The following GFRA1 variants were observed in gnomAD, a reference collection of about 807,000 sequenced individuals.
GFRA1 encodes GDNF family receptor alpha-1.
In GFRA1, 16 loss-of-function variants were observed where a neutral mutation model predicts 51.6. That is an observed-to-expected ratio of 0.31 (90% CI 0.21 to 0.47). The LOEUF is 0.47. GFRA1 is among the 20% of genes least tolerant of loss of function. The pLI is 1.00. For synonymous variants in GFRA1, 270 were observed against 241.3 expected (o/e 1.12, Z -1.10); for missense variants, 530 against 594.3 (o/e 0.89, Z 1.13).
chr10:116,093,605 G>A, intron 8 of GFRA1, 97 bp downstream of exon 8: 2 of 1,052,280 alleles, frequency 1.9e-6, no homozygotes, highest in Non-Finnish European at 3.0e-6. Flanking sequence ...ACAGGCACAA[G>A]GTACAAGAGG....
intron 9 of GFRA1, among the ~76,000 whole-genome samples, chr10:116,074,467 G>A (rs547544426): frequency 6.6e-6 from 1 of 152,314 alleles, no homozygotes; most frequent in African/African-American, 2.4e-5. Context: ...GGAATACAGA[G>A]CCCAAGGGTG....
chr10:116,271,756 T>TC (rs1156656229), intron 2 of GFRA1, among the ~76,000 whole-genome samples: 6 of 151,840 alleles, frequency 4.0e-5, no homozygotes, highest in Non-Finnish European at 8.8e-5. Flanking sequence ...CCAAGTTGGG[T>TC]CATTAAAAAC....
At chr10:116,257,202 G>A (rs1565684785) in intron 4 of GFRA1, among the ~76,000 whole-genome samples, 2 of 152,140 alleles carry the variant, frequency 1.3e-5, no homozygotes, top group Non-Finnish European at 2.9e-5. Context: ...CCTCCTAGCA[G>A]CCGAGGCCCT....
chr10:116,260,409 C>T (rs572165785), intron 4 of GFRA1, among the ~76,000 whole-genome samples: 18 of 152,232 alleles, frequency 1.2e-4, no homozygotes, highest in Admixed American at 5.9e-4. Flanking sequence ...TGTCTGTATA[C>T]GTGTTTATAA....
chr10:116,079,512 C>T (rs1455329890), intron 9 of GFRA1, among the ~76,000 whole-genome samples: 1 of 152,012 alleles, frequency 6.6e-6, no homozygotes, highest in African/African-American at 2.4e-5. Flanking sequence ...GTCTCTGAGG[C>T]ACCCTTCGCT....
chr10:116,138,684 C>A (rs564936913), intron 5 of GFRA1, among the ~76,000 whole-genome samples: 1 of 149,700 alleles, frequency 6.7e-6, no homozygotes, highest in East Asian at 2.0e-4. Context: ...CCCCACCAAC[C>A]CACCATGGTC....
chr10:116,214,732 C>T (rs922553463), intron 4 of GFRA1, among the ~76,000 whole-genome samples: 2 of 152,248 alleles, frequency 1.3e-5, no homozygotes, highest in African/African-American at 4.8e-5. Context: ...CCAGAATCCT[C>T]AACCTCCTCT....
chr10:116,148,173 G>A (rs368723382), intron 5 of GFRA1, among the ~76,000 whole-genome samples: 14 of 151,094 alleles, frequency 9.3e-5, no homozygotes, highest in South Asian at 2.1e-4. Flanking sequence ...TTTGTCTTCC[G>A]GTTTCACCTT....
chr10:116,255,462 T>C (rs940739148), intron 4 of GFRA1, among the ~76,000 whole-genome samples: 1 of 151,584 alleles, frequency 6.6e-6, no homozygotes, highest in African/African-American at 2.4e-5. Flanking sequence ...TTGCAAACAT[T>C]GCATTTTTTT....
intron 6 of GFRA1, among the ~76,000 whole-genome samples, chr10:116,119,005 G>A (rs1957540874): frequency 6.6e-6 from 1 of 152,162 alleles, no homozygotes; most frequent in African/African-American, 2.4e-5. Context: ...AGAGAAGGCA[G>A]GTCATAGCTG....
chr10:116,218,418 T>G (rs1356085812), intron 4 of GFRA1, among the ~76,000 whole-genome samples: 1 of 152,214 alleles, frequency 6.6e-6, no homozygotes, highest in Non-Finnish European at 1.5e-5. Flanking sequence ...ATGGAGAATC[T>G]GCCTGAGAAA....
At position 116,271,083 on chromosome 10, in the gene GFRA1, C is replaced by G. The variant is rs778798595; in HGVS notation, c.73G>C (p.Asp25His). The change falls in exon 3 of 11, where the codon GAC becomes CAC. Residue 25 changes from aspartate (D) to histidine (H), a missense_variant. Transcript: ENST00000355422. ...CTGGCTTTCACGCAATCCAGGCGGT[C>G]TCCGCCGCTCACTTCGGCCGACAGG... Reference protein sequence around the residue: ...LLLSAEVSGGDRLDCVKASDQ... With the variant: ...LLLSAEVSGGHRLDCVKASDQ... The G allele has an allele frequency of 1.4e-5, 23 of 1,608,782 alleles. No individual in the cohort carries two copies. The Admixed American group carries it at 1.7e-4, about 12-fold the overall frequency.
intron 4 of GFRA1, among the ~76,000 whole-genome samples, chr10:116,235,458 C>A (rs1008602085): frequency 3.3e-5 from 5 of 152,088 alleles, no homozygotes; most frequent in Admixed American, 6.5e-5. Flanking sequence ...AAACTGCTGC[C>A]CCTCTAAGCA....
intron 9 of GFRA1, among the ~76,000 whole-genome samples, chr10:116,080,225 G>A (rs532445806): frequency 6.6e-6 from 1 of 152,276 alleles, no homozygotes; most frequent in East Asian, 1.9e-4. Flanking sequence ...CATTTAATCC[G>A]CAAACACCCC....
At chr10:116,231,462 G>A (rs1400134286) in intron 4 of GFRA1, among the ~76,000 whole-genome samples, 1 of 152,146 alleles carries the variant, frequency 6.6e-6, no homozygotes, top group East Asian at 1.9e-4. Flanking sequence ...TATAAGGCAT[G>A]GGGATAAGTA....
chr10:116,099,831 TA>T (rs746203035), intron 6 of GFRA1, among the ~76,000 whole-genome samples: 11 of 152,252 alleles, frequency 7.2e-5, no homozygotes, highest in Non-Finnish European at 1.3e-4. Context: ...GAATGGCCGC[TA>T]AAACAATACC....
At position 116,116,900 on chromosome 10, in the gene GFRA1, G is replaced by A. The variant is rs1216421643; in HGVS notation, c.770+8321C>T. Among the ~76,000 whole-genome samples, 5 of 152,204 alleles carry A rather than the reference G, an allele frequency of 3.3e-5. No individual in the cohort carries two copies. The East Asian group carries it at 9.7e-4, about 29-fold the overall frequency. ...CTTTAACACTGATGCTGTCTTAGTT[G>A]CTGAGCCATAAAGAGTGTCTGGATT... On this transcript the variant is annotated intron_variant, in intron 6 of 10. Transcript: ENST00000355422.
intron 4 of GFRA1, among the ~76,000 whole-genome samples, chr10:116,255,312 T>C (rs1324418568): frequency 6.6e-6 from 1 of 152,198 alleles, no homozygotes; most frequent in Admixed American, 6.5e-5. Flanking sequence ...AATAATTTAT[T>C]TCAGACAAAG....
intron 6 of GFRA1, among the ~76,000 whole-genome samples, chr10:116,124,765 C>CTG (rs1368948209): frequency 2.0e-5 from 3 of 152,124 alleles, no homozygotes; most frequent in African/African-American, 7.2e-5. Context: ...CTCCCCAAGG[C>CTG]TGGACACTGC....
Sources: allele counts gnomAD v4.1 joint callset (sites outside exome capture counted in the v4.1 genomes callset), GRCh38; gene constraint gnomAD v4.1.1; transcripts MANE v1.5; gene names NCBI Gene and HGNC (gene_info 2026-07-23, HGNC 2026-07-21).